C3: variants seen among roughly 807,000 people sequenced by gnomAD.
The protein encoded by C3 is C3 and PZP-like alpha-2-macroglobulin domain-containing protein 1.
A neutral mutation model predicts 207.9 loss-of-function variants in C3; 97 were observed. The observed-to-expected ratio is 0.47, with a 90% CI of 0.40 to 0.55. The LOEUF (loss-of-function observed/expected upper bound fraction) is 0.55. C3 is among the 20% of genes least tolerant of loss of function. The pLI is 0.00. For synonymous variants in C3, 848 were observed against 857.6 expected, an observed-to-expected ratio of 0.99 and a Z score of 0.20; for missense variants, 1,684 against 2,171.7, an observed-to-expected ratio of 0.78 and a Z score of 4.46.
At chr19:6,695,621 A>G (rs1263136076) in intron 23 of C3, among the ~76,000 whole-genome samples, 1 of 151,974 alleles carries the variant, frequency 6.6e-6, no homozygotes, top group Non-Finnish European at 1.5e-5. Context: ...CTGGGATTAC[A>G]GGCATGTGCC....
intron 23 of C3, among the ~76,000 whole-genome samples, chr19:6,695,248 G>A (rs565513562): frequency 3.4e-4 from 50 of 146,086 alleles, no homozygotes; most frequent in Middle Eastern, 3.5e-3. Context: ...CTAGCCTGGC[G>A]ACAGAGTGAG....
At chr19:6,692,810 C>A in intron 26 of C3, 114 bp downstream of exon 26, 16 of 1,337,510 alleles carry the variant, frequency 1.2e-5, no homozygotes, top group Non-Finnish European at 1.7e-5. Context: ...CCAGCCCAAT[C>A]TTTGCAAAGG....
rs1422496220 is a variant in C3, at chr19:6,713,692, C to T, written c.774-183G>A. On this transcript the variant is annotated intron_variant, in intron 7 of 40. Transcript: ENST00000245907. ...CCCCACCTTGCCCCACTCCCACCCC[C>T]CACATGGTCCCACCTCCAGCCCCTC... 6.3e-5 allele frequency: 34 copies of T among 536,570 alleles called. No homozygotes were observed. The Admixed American group carries it at 8.8e-4, about 14-fold the overall frequency. 33.2% of individuals were successfully genotyped at this position (536,570 alleles called of 1,614,324 possible). A position where few individuals can be genotyped will look rare whatever the true frequency, so the allele number is the denominator to read the frequency against.
At chr19:6,681,420 C>A (rs1480024223) in intron 35 of C3, among the ~76,000 whole-genome samples, 5 of 150,876 alleles carry the variant, frequency 3.3e-5, no homozygotes, top group Non-Finnish European at 7.4e-5. Context: ...GTGTCGCAGG[C>A]CTGCAGTTCC....
Position 6,713,395 on chromosome 19 carries a change from C to A in C3, c.876+12G>T, listed in dbSNP as rs753997667. 21 of 1,613,802 alleles carry A rather than the reference C, an allele frequency of 1.3e-5. No individual in the cohort carries two copies. Among genetic ancestry groups the A allele is most frequent in the Non-Finnish European group, 1.8e-5 (21 of 1,179,780 alleles). On this transcript the variant is annotated intron_variant, in intron 8 of 40. Coordinates refer to ENST00000245907, the MANE Select transcript of C3 (RefSeq NM_000064.4). ...CTGGGGCAGGGATCAAAGCGGCCTC[C>A]GTCTATGGTACCGGAATGCGCTTGA...
Position 6,711,021 on chromosome 19 carries a change from G to A in C3, c.1445C>T (p.Ala482Val). 2 of 1,614,116 alleles carry A rather than the reference G, an allele frequency of 1.2e-6. No homozygotes were observed. The highest frequency in any genetic ancestry group is 8.5e-7 in the Non-Finnish European group (1 of 1,180,010). Residue 482 changes from alanine to valine, a missense_variant, in exon 12 of 41, where the codon GCC (alanine) becomes GTC (valine). This residue lies in a region of C3 where 1,280 missense variants were observed against 1,739.1 expected (regional missense o/e 0.74). Transcript: ENST00000245907. Reference sequence around the variant, plus strand: ...GTAGTAGCGGATCTTGGCCTCGTGGGCGCGGTCCATTCGCAGGAGGAAGTT... The same window carrying A: ...GTAGTAGCGGATCTTGGCCTCGTGGACGCGGTCCATTCGCAGGAGGAAGTT... ...NVNFLLRMDR[A>V]HEAKIRYYTY... is the part of the protein sequence containing the mutation.
In C3 at chr19:6,686,915, G is replaced by A. The variant is rs1329794030; in HGVS notation, c.3490-13C>T. On this transcript the variant is annotated splice_polypyrimidine_tract_variant and intron_variant, in intron 27 of 40. Transcript: ENST00000245907. ...TGCCTGGCAGGCTCTATGAGAAAGA[G>A]GATCAGATTCTCCGGTCATGTGGGC... The A allele has an allele frequency of 6.2e-7, 1 of 1,613,910 alleles. No individual in the cohort carries two copies. Among genetic ancestry groups the A allele is most frequent in the African/African-American group, 1.3e-5 (1 of 74,936 alleles).
intron 14 of C3, among the ~76,000 whole-genome samples, 172 bp from the exon 15 acceptor site, chr19:6,708,101 T>TCTCC (rs2145423719): frequency 7.0e-6 from 1 of 142,544 alleles, no homozygotes; most frequent in East Asian, 2.1e-4. Context: ...CTTCCTTCTC[T>TCTCC]CTCCTTCCTT....
At position 6,709,689 on chromosome 19, in the gene C3, T is replaced by A. The variant is rs1430352283; in HGVS notation, c.1840A>T (p.Ser614Cys). 2 of 1,564,860 alleles carry A rather than the reference T, an allele frequency of 1.3e-6. No homozygotes were observed. The highest frequency in any genetic ancestry group is 1.7e-6 in the Non-Finnish European group (2 of 1,147,750). ...CTTGGGTCACTGGCCCTTACCTTACTCTGCGTCAGTTTGTTCTTCTTATTC... is the reference window on the plus strand; with the variant it reads ...CTTGGGTCACTGGCCCTTACCTTACACTGCGTCAGTTTGTTCTTCTTATTC... Reference protein sequence around the residue: ...VLNKKNKLTQSKIWDVVEKAD... With the variant: ...VLNKKNKLTQCKIWDVVEKAD... Residue 614 changes from serine to cysteine, a missense_variant, in exon 14 of 41, where the codon AGT becomes TGT. By Grantham distance (112) the Ser-to-Cys change is moderately radical. Coordinates refer to ENST00000245907, the MANE Select transcript of C3 (RefSeq NM_000064.4).
intron 33 of C3, 75 bp downstream of exon 33, chr19:6,684,313 T>A: frequency 9.0e-7 from 1 of 1,105,214 alleles, no homozygotes; most frequent in African/African-American, 1.5e-5. Context: ...CTGAATATCA[T>A]GGATATTATT....
At chr19:6,698,305 C>T (rs1202892231) in intron 19 of C3, among the ~76,000 whole-genome samples, 2 of 152,056 alleles carry the variant, frequency 1.3e-5, no homozygotes, top group South Asian at 2.1e-4. Context: ...TGAGCCACTG[C>T]GCCTGGCCGG....
chr19:6,715,571 G>A (rs1192928547), intron 4 of C3, among the ~76,000 whole-genome samples: 3 of 151,860 alleles, frequency 2.0e-5, no homozygotes, highest in African/African-American at 4.8e-5. Context: ...TCTGAAGGCC[G>A]TGAGCTGGCT....
At chr19:6,709,619 A>ACCCCC in intron 14 of C3, 65 bp downstream of exon 14, 1 of 432,290 alleles carries the variant, frequency 2.3e-6, no homozygotes, top group Non-Finnish European at 4.0e-6. Flanking sequence ...AGTCCCACCC[A>ACCCCC]CCTCCCCCAG....
chr19:6,688,631 T>C (rs1272062738), intron 27 of C3, among the ~76,000 whole-genome samples: 1 of 152,162 alleles, frequency 6.6e-6, no homozygotes, highest in Non-Finnish European at 1.5e-5. Context: ...GTGATTCTCC[T>C]GCCTCAGCAT....
intron 4 of C3, among the ~76,000 whole-genome samples, chr19:6,715,570 C>T (rs531814145): frequency 3.5e-4 from 53 of 151,226 alleles, no homozygotes; most frequent in African/African-American, 1.2e-3. Context: ...ATCTGAAGGC[C>T]GTGAGCTGGC....
At chr19:6,696,873 CT>C (rs1375765428) in intron 21 of C3, among the ~76,000 whole-genome samples, 1 of 151,250 alleles carries the variant, frequency 6.6e-6, no homozygotes, top group East Asian at 1.9e-4. Flanking sequence ...AACCCTGTCT[CT>C]ACTAAAAATA....
At chr19:6,689,321 CTACCTA>C (rs1568213407) in intron 27 of C3, among the ~76,000 whole-genome samples, 9 of 59,680 alleles carry the variant, frequency 1.5e-4, no homozygotes, top group African/African-American at 7.3e-4. Flanking sequence ...CTCTCTCTCT[CTACCTA>C]CCTCCCTCCC....
At chr19:6,699,074 G>A (rs1967596076) in intron 19 of C3, among the ~76,000 whole-genome samples, 1 of 152,138 alleles carries the variant, frequency 6.6e-6, no homozygotes, top group South Asian at 2.1e-4. Flanking sequence ...GGGATTACAG[G>A]TGTGAGCCAC....
chr19:6,702,070 A>G, intron 19 of C3, 57 bp downstream of exon 19: 1 of 882,144 alleles, frequency 1.1e-6, no homozygotes, highest in Admixed American at 1.7e-5. Context: ...AAATGAGATG[A>G]CACTCAGACA....
Sources: gnomAD v4.1 joint callset for allele counts (sites outside exome capture counted in the v4.1 genomes callset) on GRCh38, gnomAD v4.1.1 for gene constraint, gnomAD v4.1.1 regional missense constraint, MANE v1.5 for transcripts, NCBI Gene and HGNC (gene_info 2026-07-23, HGNC 2026-07-21) for gene names.